CHLSN: variants seen among roughly 807,000 people sequenced by gnomAD.
CHLSN encodes cholesin.
chr7:978,173 T>C, the CHLSN span, among the ~76,000 whole-genome samples: 4 of 152,104 alleles, frequency 2.6e-5, no homozygotes, highest in African/African-American at 9.7e-5. Context: ...ATGAGATCTT[T>C]AGCTGGGAGA....
At chr7:1,001,739 G>A in the CHLSN span, among the ~76,000 whole-genome samples, 4 of 121,894 alleles carry the variant, frequency 3.3e-5, no homozygotes, top group Non-Finnish European at 6.9e-5. Flanking sequence ...CTGTGGGTGG[G>A]GAGTCCTGTG....
chr7:1,065,357 T>C, the CHLSN span, among the ~76,000 whole-genome samples: 1 of 152,234 alleles, frequency 6.6e-6, no homozygotes, highest in Non-Finnish European at 1.5e-5. Context: ...CACAAGCACC[T>C]GTATACAAAT....
the CHLSN span, chr7:1,127,404 A>T: frequency 6.3e-7 from 1 of 1,595,086 alleles, no homozygotes; most frequent in African/African-American, 1.3e-5. Context: ...AGAGAAAGTA[A>T]ATTGCTGAAG....
the CHLSN span, among the ~76,000 whole-genome samples, chr7:1,133,392 C>CAAAAAAAAAAAAAAAA: frequency 2.2e-5 from 2 of 91,106 alleles, no homozygotes; most frequent in Admixed American, 1.2e-4. Flanking sequence ...CGATATACTG[C>CAAAAAAAAAAAAAAAA]AAAAAAAAAA....
chr7:1,059,571 GCGGTTC>G, the CHLSN span, among the ~76,000 whole-genome samples: 20,449 of 130,726 alleles, frequency 0.16, 1,820 homozygotes, highest in Non-Finnish European at 0.17. Flanking sequence ...CGGTAGTGAG[GCGGTTC>G]CTAGTGAGGC....
the CHLSN span, among the ~76,000 whole-genome samples, chr7:1,065,690 T>C: frequency 3.9e-5 from 6 of 152,264 alleles, no homozygotes; most frequent in Admixed American, 2.0e-4. Context: ...GGAGGCGGTC[T>C]CCCTTGCCGG....
At chr7:1,073,402 A>G in the CHLSN span, among the ~76,000 whole-genome samples, 2 of 152,020 alleles carry the variant, frequency 1.3e-5, no homozygotes, top group Admixed American at 1.3e-4. Context: ...CCGGCGCCCC[A>G]GCTGAGCTCC....
the CHLSN span, among the ~76,000 whole-genome samples, chr7:1,099,160 G>A: frequency 4.6e-5 from 6 of 130,786 alleles, no homozygotes; most frequent in African/African-American, 8.8e-5. Context: ...CCTCGCTGTC[G>A]CGTTCCTGCA....
the CHLSN span, among the ~76,000 whole-genome samples, chr7:1,082,981 C>T: frequency 6.6e-6 from 1 of 152,246 alleles, no homozygotes; most frequent in Non-Finnish European, 1.5e-5. Context: ...AACTGCCTGG[C>T]AGTGACCGAG....
At chr7:1,109,310 TA>T in the CHLSN span, 1 of 152,204 alleles carries the variant, frequency 6.6e-6, no homozygotes. Context: ...GTATTTGTTT[TA>T]AACAATTTTA....
the CHLSN span, among the ~76,000 whole-genome samples, chr7:998,334 G>C: frequency 1.3e-5 from 2 of 152,068 alleles, no homozygotes; most frequent in African/African-American, 4.8e-5. Flanking sequence ...TTTCAACACT[G>C]GGCTCTTTTT....
chr7:1,099,174 G>A, the CHLSN span, among the ~76,000 whole-genome samples: 1 of 142,954 alleles, frequency 7.0e-6, no homozygotes, highest in African/African-American at 2.7e-5. Flanking sequence ...TCCTGCAGCC[G>A]GCCTCCCCTT....
the CHLSN span, among the ~76,000 whole-genome samples, chr7:1,085,189 T>G: frequency 3.3e-5 from 5 of 152,254 alleles, no homozygotes; most frequent in Non-Finnish European, 5.9e-5. Flanking sequence ...TGTGTGCATT[T>G]AGCTCAATAA....
chr7:979,734 C>T, the CHLSN span, among the ~76,000 whole-genome samples: 1 of 136,226 alleles, frequency 7.3e-6, no homozygotes, highest in South Asian at 2.3e-4. Context: ...AACTCCGTCT[C>T]AAAAAAAAAA....
At chr7:988,938 C>A in the CHLSN span, 1 of 661,846 alleles carries the variant, frequency 1.5e-6, no homozygotes. Context: ...TGAGGACTCC[C>A]ACCCTCACCC....
At chr7:1,033,024 G>A in the CHLSN span, among the ~76,000 whole-genome samples, 1 of 152,186 alleles carries the variant, frequency 6.6e-6, no homozygotes, top group African/African-American at 2.4e-5. Context: ...GACAGTCTCG[G>A]CAAGTCCGTT....
At chr7:1,000,281 G>A in the CHLSN span, among the ~76,000 whole-genome samples, 126 of 148,052 alleles carry the variant, frequency 8.5e-4, no homozygotes, top group Non-Finnish European at 1.3e-3. Context: ...CCCAGGAGAC[G>A]TGCCTGCCCC....
At chr7:1,001,325 G>A in the CHLSN span, among the ~76,000 whole-genome samples, 2 of 152,306 alleles carry the variant, frequency 1.3e-5, no homozygotes, top group South Asian at 4.1e-4. Flanking sequence ...ACTGCCATGT[G>A]GGTGAGTGGA....
At chr7:983,284 C>T in the CHLSN span, 6 of 1,543,852 alleles carry the variant, frequency 3.9e-6, no homozygotes, top group South Asian at 2.4e-5. Context: ...CGCCCAAGAC[C>T]CCTCCCCAGC....
Sources: allele counts gnomAD v4.1 joint callset (sites outside exome capture counted in the v4.1 genomes callset), GRCh38; gene constraint gnomAD v4.1.1; transcripts MANE v1.5; gene names NCBI Gene and HGNC (gene_info 2026-07-23, HGNC 2026-07-21).